The following ANKRD22 variants were observed in gnomAD, a reference collection of about 807,000 sequenced individuals.
ANKRD22 encodes the protein ankyrin repeat domain 22, also known as ankyrin repeat domain-containing protein 22.
In ANKRD22, 24 loss-of-function variants were observed where a neutral mutation model predicts 25.7. The observed-to-expected ratio is 0.93, with a 90% CI of 0.68 to 1.31. The LOEUF (loss-of-function observed/expected upper bound fraction) is 1.31. Among genes scored for constraint, ANKRD22 ranks in the 50% most tolerant of loss-of-function variants. ANKRD22 has a pLI of 0.00. For synonymous variants in ANKRD22, 84 were observed against 84.3 expected (o/e 1.00, Z 0.02); for missense variants, 214 against 227.1 (o/e 0.94, Z 0.37).
At position 88,831,831 on chromosome 10, in the gene ANKRD22, TCACCTGG is replaced by T; in HGVS notation, c.210_213+3del. 1 of 1,602,900 alleles carries T rather than the reference TCACCTGG, an allele frequency of 6.2e-7. No individual in the cohort carries two copies. Among genetic ancestry groups the T allele is most frequent in the East Asian group, 2.2e-5 (1 of 44,660 alleles). On this transcript the variant is annotated splice_donor_variant and splice_donor_region_variant and coding_sequence_variant and intron_variant, in exon 2 of 6. Coordinates refer to ENST00000371930, the MANE Select transcript of ANKRD22 (RefSeq NM_144590.3). LOFTEE classifies it high-confidence loss of function. ...TACACTCTCCATTCATGTCATGACC[TCACCTGG>T]TTTTTGAGGTTGACATTAGCATTTC...
intron 1 of ANKRD22, among the ~76,000 whole-genome samples, chr10:88,834,755 A>G (rs1400533491): frequency 6.6e-6 from 1 of 151,962 alleles, no homozygotes; most frequent in African/African-American, 2.4e-5. Flanking sequence ...GCCAACATGG[A>G]GAAACCCCAT....
chr10:88,844,527 T>G (rs1844030758), intron 1 of ANKRD22, among the ~76,000 whole-genome samples: 1 of 152,106 alleles, frequency 6.6e-6, no homozygotes, highest in African/African-American at 2.4e-5. Flanking sequence ...AAGGTATTTC[T>G]AATCTTAATA....
rs1843768794 is a variant in ANKRD22, at chr10:88,820,108, G to A, written c.*2833C>T. 2.8e-6 allele frequency: 2 copies of A among 720,804 alleles called. No individual in the cohort carries two copies. Among genetic ancestry groups the A allele is most frequent in the Non-Finnish European group, 4.5e-6 (2 of 449,134 alleles). The allele number at this position is 720,804 out of a possible 1,614,324, so 44.7% of individuals were successfully genotyped here. ...CAGAAATTCTTAACAGAGTTGTGTGGCTCTAACACCCATGTACCCTTCACC... is the reference window on the plus strand; with the variant it reads ...CAGAAATTCTTAACAGAGTTGTGTGACTCTAACACCCATGTACCCTTCACC... On this transcript the variant is annotated 3_prime_UTR_variant, in exon 6 of 6. Coordinates refer to ENST00000371930, the MANE Select transcript of ANKRD22 (RefSeq NM_144590.3).
intron 1 of ANKRD22, among the ~76,000 whole-genome samples, chr10:88,836,570 C>T (rs139591757): frequency 6.6e-6 from 1 of 152,272 alleles, no homozygotes; most frequent in East Asian, 1.9e-4. Flanking sequence ...CTGCAGAATG[C>T]GTACATTCTA....
At chr10:88,848,785 C>T (rs1844076962) in intron 1 of ANKRD22, among the ~76,000 whole-genome samples, 1 of 152,140 alleles carries the variant, frequency 6.6e-6, no homozygotes, top group Non-Finnish European at 1.5e-5. Flanking sequence ...TTCAATTAGT[C>T]ACATCTCTAT....
At chr10:88,829,637 T>A (rs1843886617) in intron 2 of ANKRD22, among the ~76,000 whole-genome samples, 1 of 149,486 alleles carries the variant, frequency 6.7e-6, no homozygotes, top group Admixed American at 6.8e-5. Context: ...ATTTAGAATA[T>A]GTACATTTTT....
At chr10:88,825,011 TCACACA>T (rs71022545) in intron 4 of ANKRD22, among the ~76,000 whole-genome samples, 2,127 of 111,462 alleles carry the variant, frequency 0.019, 21 homozygotes, top group South Asian at 0.055. Flanking sequence ...TCTCTCTCTC[TCACACA>T]CACACACACA....
intron 1 of ANKRD22, among the ~76,000 whole-genome samples, chr10:88,843,443 G>A (rs1236425827): frequency 6.6e-6 from 1 of 152,132 alleles, no homozygotes; most frequent in Non-Finnish European, 1.5e-5. Flanking sequence ...AGAAAACGTT[G>A]CCTTTGCAGA....
Position 88,848,148 on chromosome 10 carries a change from G to C in ANKRD22, c.21+3439C>G, listed in dbSNP as rs867564679. On this transcript the variant is annotated intron_variant, in intron 1 of 5. Transcript: ENST00000371930. Reference sequence around the variant, plus strand: ...GATTAGGGATGCCCAACATATATGCGTGTATATATATATATGTATATATGT... The same window carrying C: ...GATTAGGGATGCCCAACATATATGCCTGTATATATATATATGTATATATGT... 1.3e-3 allele frequency among the ~76,000 whole-genome samples: 185 copies of C among 144,070 alleles called. 2 individuals are homozygous for C. Among genetic ancestry groups the C allele is most frequent in the African/African-American group, 4.4e-3 (170 of 38,664 alleles). 94.5% of individuals were successfully genotyped at this position (144,070 alleles called of 152,430 possible).
At position 88,822,544 on chromosome 10, in the gene ANKRD22, C is replaced by CTGCTTTTTTTT. The variant is rs1554832256; in HGVS notation, c.*396_*397insAAAAAAAAGCA. 1.1e-4 allele frequency: 4 copies of CTGCTTTTTTTT among 36,438 alleles called. No homozygotes were observed. The highest frequency in any genetic ancestry group is 3.8e-4 in the Admixed American group (1 of 2,600). 2.3% of individuals were successfully genotyped at this position (36,438 alleles called of 1,614,324 possible). A position where few individuals can be genotyped will look rare whatever the true frequency, so the allele number is the denominator to read the frequency against. ...AAAGACTGAGTTTGGAACACCAGGG[C>CTGCTTTTTTTT]TTTTTTTTTTTTTTTTTTTTTTGAG... On this transcript the variant is annotated 3_prime_UTR_variant, in exon 6 of 6. Transcript: ENST00000371930.
At chr10:88,846,371 C>G (rs190746968) in intron 1 of ANKRD22, among the ~76,000 whole-genome samples, 2 of 152,270 alleles carry the variant, frequency 1.3e-5, no homozygotes, top group African/African-American at 4.8e-5. Context: ...TATATTTACA[C>G]TGATTGATCT....
chr10:88,831,478 A>G (rs1318511844), intron 2 of ANKRD22, among the ~76,000 whole-genome samples: 4 of 152,220 alleles, frequency 2.6e-5, no homozygotes, highest in African/African-American at 9.6e-5. Flanking sequence ...TTCTTTTCCA[A>G]GAAATCTTTG....
At chr10:88,846,465 T>C (rs916681460) in intron 1 of ANKRD22, among the ~76,000 whole-genome samples, 1 of 152,170 alleles carries the variant, frequency 6.6e-6, no homozygotes, top group African/African-American at 2.4e-5. Context: ...TTGATGAGAA[T>C]TTTAGCTGAA....
At position 88,826,252 on chromosome 10, in the gene ANKRD22, C is replaced by T. The variant is rs139013494; in HGVS notation, c.322-137G>A. On this transcript the variant is annotated intron_variant, in intron 3 of 5. Transcript: ENST00000371930. ...GCATGCACCCTTCCTAAAATTTCCC[C>T]CAGCTTCTCACTCACTCTAATATCA... is the stretch of plus-strand genomic sequence containing the variant. 1.1e-4 allele frequency: 72 copies of T among 680,088 alleles called. No homozygotes were observed. The African/African-American group carries it at 1.1e-3, about 11-fold the overall frequency. 42.1% of individuals were successfully genotyped at this position (680,088 alleles called of 1,614,324 possible). A position where few individuals can be genotyped will look rare whatever the true frequency, so the allele number is the denominator to read the frequency against.
At chr10:88,831,715 A>T in intron 2 of ANKRD22, 120 bp downstream of exon 2, 1 of 1,005,570 alleles carries the variant, frequency 9.9e-7, no homozygotes, top group South Asian at 2.1e-5. Flanking sequence ...GTAGGCTAAG[A>T]TAATTGTTCG....
At position 88,826,018 on chromosome 10, in the gene ANKRD22, G is replaced by C; in HGVS notation, c.399+20C>G. The C allele has an allele frequency of 6.3e-7, 1 of 1,585,278 alleles. No individual in the cohort carries two copies. ...ACCATTTTGAATATTTTTTCAAAAT[G>C]GCTAAAAGTATAAACTTACACAATC... On this transcript the variant is annotated intron_variant, in intron 4 of 5. Coordinates refer to ENST00000371930, the MANE Select transcript of ANKRD22 (RefSeq NM_144590.3).
chr10:88,827,358 C>T (rs148889762), intron 3 of ANKRD22, among the ~76,000 whole-genome samples: 2,112 of 152,254 alleles, frequency 0.014, 20 homozygotes, highest in South Asian at 0.02. Context: ...CTATTCATTA[C>T]GATTACTATT....
rs1280114764 is a variant in ANKRD22 at position 88,820,562 on chromosome 10, G to A, written c.*2379C>T. The stretch of plus-strand genomic sequence containing the variant: ...GAGGGATGGGGCTAGGACCCATGAA[G>A]GCAGAATTACGGAGAGCAGAGACCT... On this transcript the variant is annotated 3_prime_UTR_variant, in exon 6 of 6. Transcript: ENST00000371930. The A allele has an allele frequency of 2.0e-6, 3 of 1,480,276 alleles. No individual in the cohort carries two copies. Among genetic ancestry groups the A allele is most frequent in the Admixed American group, 4.4e-5 (2 of 45,616 alleles). The allele number at this position is 1,480,276 out of a possible 1,614,324, so 91.7% of individuals were successfully genotyped here.
chr10:88,834,697 G>A (rs2133075316), intron 1 of ANKRD22, among the ~76,000 whole-genome samples: 2 of 152,336 alleles, frequency 1.3e-5, no homozygotes, highest in Middle Eastern at 6.8e-3. Flanking sequence ...CACTTTGGGA[G>A]GCCGAGGTGG....
Sources: gnomAD v4.1 joint callset for allele counts (sites outside exome capture counted in the v4.1 genomes callset) on GRCh38, gnomAD v4.1.1 for gene constraint, MANE v1.5 for transcripts, NCBI Gene and HGNC (gene_info 2026-07-23, HGNC 2026-07-21) for gene names.